Variants in CADM2 observed in about 807,000 individuals in gnomAD.
The protein encoded by CADM2 is immunoglobulin superfamily member 4D.
A neutral mutation model predicts 49.8 loss-of-function variants in CADM2; 12 were observed. That is an observed-to-expected ratio of 0.24 (90% confidence interval 0.15 to 0.39). The LOEUF (loss-of-function observed/expected upper bound fraction) is 0.39. Ranked by LOEUF, CADM2 falls within the 10% of genes least tolerant of loss-of-function variation. The pLI, the probability that CADM2 is intolerant of heterozygous loss-of-function variation, is 1.00. For missense variants in CADM2, 378 were observed against 492.3 expected (o/e 0.77, Z 2.20); for synonymous variants, 214 against 175.4 (o/e 1.22, Z -1.74).
At chr3:85,630,461 G>A (rs916997129) in intron 1 of CADM2, among the ~76,000 whole-genome samples, 2 of 151,910 alleles carry the variant, frequency 1.3e-5, no homozygotes, top group African/African-American at 4.8e-5. Context: ...AGAAACAACT[G>A]CTTCTCAGGA....
At chr3:85,880,897 C>T (rs1712659927) in intron 3 of CADM2, among the ~76,000 whole-genome samples, 1 of 152,152 alleles carries the variant, frequency 6.6e-6, no homozygotes, top group African/African-American at 2.4e-5. Flanking sequence ...TTTCACTCAG[C>T]TTCTTGATTG....
chr3:84,966,534 A>AAC (rs1559593544), intron 1 of CADM2, among the ~76,000 whole-genome samples: 1 of 152,054 alleles, frequency 6.6e-6, no homozygotes, highest in East Asian at 1.9e-4. Flanking sequence ...TCCACAAAAA[A>AAC]ACACACACAC....
intron 1 of CADM2, among the ~76,000 whole-genome samples, chr3:85,376,816 G>A (rs886372201): frequency 1.3e-5 from 2 of 151,852 alleles, no homozygotes; most frequent in African/African-American, 4.8e-5. Context: ...ATGAAAAAAA[G>A]GCTTTTAAGG....
At chr3:85,827,346 G>A (rs918795450) in intron 3 of CADM2, among the ~76,000 whole-genome samples, 53 of 151,974 alleles carry the variant, frequency 3.5e-4, no homozygotes, top group African/African-American at 5.1e-4. Context: ...GTCAAAATTC[G>A]TATACATTTT....
intron 1 of CADM2, among the ~76,000 whole-genome samples, chr3:84,972,903 T>C (rs2031559940): frequency 6.6e-6 from 1 of 152,134 alleles, no homozygotes; most frequent in African/African-American, 2.4e-5. Context: ...CTATCTTTCT[T>C]TCTTTCTTTT....
chr3:85,216,364 ATATT>A (rs2041926680), intron 1 of CADM2, among the ~76,000 whole-genome samples: 1 of 147,544 alleles, frequency 6.8e-6, no homozygotes, highest in Admixed American at 6.8e-5. Context: ...TAATAGTAAT[ATATT>A]TAATATTAAT....
intron 1 of CADM2, among the ~76,000 whole-genome samples, chr3:85,359,967 A>AT (rs2032234587): frequency 6.6e-6 from 1 of 151,576 alleles, no homozygotes; most frequent in African/African-American, 2.4e-5. Context: ...ATTCAAAATC[A>AT]TTTTTTCCAC....
intron 2 of CADM2, among the ~76,000 whole-genome samples, chr3:85,766,471 ATAT>A (rs1209362561): frequency 2.6e-5 from 4 of 152,182 alleles, no homozygotes; most frequent in Non-Finnish European, 4.4e-5. Flanking sequence ...CTAAAGAATA[ATAT>A]TCTGCTCCTT....
chr3:85,242,117 C>A (rs2042545687), intron 1 of CADM2, among the ~76,000 whole-genome samples: 1 of 150,084 alleles, frequency 6.7e-6, no homozygotes, highest in Non-Finnish European at 1.5e-5. Flanking sequence ...CTATATATAA[C>A]TTTTTAAGTG....
At chr3:85,252,000 T>C (rs967560631) in intron 1 of CADM2, among the ~76,000 whole-genome samples, 1 of 151,992 alleles carries the variant, frequency 6.6e-6, no homozygotes, top group African/African-American at 2.4e-5. Flanking sequence ...GCCTGGAATT[T>C]GCCATGTTAG....
chr3:85,856,915 C>T (rs2075338938), intron 3 of CADM2, among the ~76,000 whole-genome samples: 1 of 152,106 alleles, frequency 6.6e-6, no homozygotes, highest in Admixed American at 6.6e-5. Context: ...ATAAACCATG[C>T]AAAACATTTT....
At chr3:85,192,255 C>T (rs2041227565) in intron 1 of CADM2, among the ~76,000 whole-genome samples, 1 of 152,104 alleles carries the variant, frequency 6.6e-6, no homozygotes, top group Middle Eastern at 3.4e-3. Flanking sequence ...TCTAATGCTT[C>T]TTCCTCAACA....
intron 1 of CADM2, among the ~76,000 whole-genome samples, chr3:85,444,035 G>T (rs1431587657): frequency 6.6e-6 from 1 of 151,948 alleles, no homozygotes; most frequent in Non-Finnish European, 1.5e-5. Flanking sequence ...CAGTTGCTTG[G>T]CTCCAAAGCC....
intron 1 of CADM2, among the ~76,000 whole-genome samples, chr3:85,436,080 G>T (rs2217720): frequency 0.57 from 86,009 of 151,906 alleles, 25,340 homozygotes; most frequent in East Asian, 0.83. Flanking sequence ...TGGTGTTTTA[G>T]TTGTGAAGCC....
chr3:85,788,085 A>G (rs948065462), intron 2 of CADM2, among the ~76,000 whole-genome samples: 1 of 151,934 alleles, frequency 6.6e-6, no homozygotes, highest in African/African-American at 2.4e-5. Flanking sequence ...TACTTTCCTT[A>G]GGCTGTTAGT....
intron 8 of CADM2, among the ~76,000 whole-genome samples, chr3:86,036,713 T>G (rs1735209060): frequency 6.6e-6 from 1 of 152,136 alleles, no homozygotes; most frequent in African/African-American, 2.4e-5. Context: ...TCTCCTCAAC[T>G]GTAAAATGGG....
At chr3:85,163,164 A>G (rs996322102) in intron 1 of CADM2, among the ~76,000 whole-genome samples, 5 of 152,208 alleles carry the variant, frequency 3.3e-5, no homozygotes, top group African/African-American at 1.2e-4. Context: ...CCTATCATTA[A>G]CAAAAACAAT....
rs1355671921 is a variant in CADM2 at position 85,569,584 on chromosome 3, G to A, written c.62-156938G>A. On this transcript the variant is annotated intron_variant, in intron 1 of 9. Coordinates refer to ENST00000383699, the MANE Select transcript of CADM2 (RefSeq NM_001167675.2). ...CCCCACATCTTTGCCAGCATTTGGTGTTGTTCTTTGTTGAATATTTTATTT... is the reference window on the plus strand; with the variant it reads ...CCCCACATCTTTGCCAGCATTTGGTATTGTTCTTTGTTGAATATTTTATTT... 1.3e-5 allele frequency among the ~76,000 whole-genome samples: 2 copies of A among 151,578 alleles called. 1 individual carries two copies. The highest frequency in any genetic ancestry group is 4.8e-5 in the African/African-American group (2 of 41,274).
intron 1 of CADM2, among the ~76,000 whole-genome samples, chr3:85,647,415 T>A (rs961376216): frequency 6.6e-6 from 1 of 151,688 alleles, no homozygotes; most frequent in Non-Finnish European, 1.5e-5. Context: ...GTGGAATATA[T>A]ATATTTGTGC....
Sources: gnomAD v4.1 joint callset for allele counts (sites outside exome capture counted in the v4.1 genomes callset) on GRCh38, gnomAD v4.1.1 for gene constraint, MANE v1.5 for transcripts, NCBI Gene and HGNC (gene_info 2026-07-23, HGNC 2026-07-21) for gene names.